GRID2: variants seen among roughly 807,000 people sequenced by gnomAD.
The protein encoded by GRID2 is glutamate ionotropic receptor delta type subunit 2.
A neutral mutation model predicts 114.8 loss-of-function variants in GRID2; 33 were observed. The ratio of observed to expected loss-of-function variants is 0.29; its 90% CI spans 0.22 to 0.38. The LOEUF is 0.38. GRID2 is among the 10% of genes least tolerant of loss of function. The pLI is 1.00. For missense variants in GRID2, 1,184 were observed against 1,257.7 expected, an observed-to-expected ratio of 0.94 and a Z score of 0.89; for synonymous variants, 505 against 449.9, an observed-to-expected ratio of 1.12 and a Z score of -1.55.
chr4:92,794,197 C>G (rs1433498346), intron 2 of GRID2, among the ~76,000 whole-genome samples: 1 of 151,692 alleles, frequency 6.6e-6, no homozygotes, highest in Admixed American at 6.6e-5. Flanking sequence ...CTCACTGTAG[C>G]CTCCAACTCC....
intron 2 of GRID2, among the ~76,000 whole-genome samples, chr4:92,763,757 T>C (rs1180056853): frequency 6.6e-6 from 1 of 152,116 alleles, no homozygotes; most frequent in African/African-American, 2.4e-5. Context: ...GTTAATAGTA[T>C]TTCAAGAGAA....
At chr4:93,751,501 G>T (rs940344074) in intron 14 of GRID2, among the ~76,000 whole-genome samples, 1 of 152,058 alleles carries the variant, frequency 6.6e-6, no homozygotes, top group Non-Finnish European at 1.5e-5. Context: ...CTGGTTCTTG[G>T]GGGGAAATGC....
intron 2 of GRID2, among the ~76,000 whole-genome samples, chr4:92,715,740 C>G (rs1735513764): frequency 6.6e-6 from 1 of 152,092 alleles, no homozygotes; most frequent in Non-Finnish European, 1.5e-5. Flanking sequence ...AAAAAACTGG[C>G]CCAGTGATTC....
chr4:93,253,488 G>A (rs1749215263), intron 8 of GRID2, among the ~76,000 whole-genome samples: 1 of 152,016 alleles, frequency 6.6e-6, no homozygotes, highest in Admixed American at 6.6e-5. Context: ...GTAAAATAAT[G>A]TACAGTTAAA....
chr4:92,325,962 A>G (rs1427981320), intron 1 of GRID2, among the ~76,000 whole-genome samples: 1 of 151,780 alleles, frequency 6.6e-6, no homozygotes, highest in African/African-American at 2.4e-5. Context: ...CTTCTAATAT[A>G]TACTGTACTG....
chr4:92,861,852 A>C (rs1356484337), intron 2 of GRID2, among the ~76,000 whole-genome samples: 1 of 151,944 alleles, frequency 6.6e-6, no homozygotes, highest in African/African-American at 2.4e-5. Context: ...GCAAATGTCC[A>C]CCCTGGCTAC....
At chr4:92,795,226 C>G (rs1739805654) in intron 2 of GRID2, among the ~76,000 whole-genome samples, 1 of 151,684 alleles carries the variant, frequency 6.6e-6, no homozygotes, top group Non-Finnish European at 1.5e-5. Flanking sequence ...CCCAGAATTC[C>G]CATGTGCTGT....
At chr4:93,277,330 T>C (rs979432743) in intron 8 of GRID2, among the ~76,000 whole-genome samples, 1 of 151,946 alleles carries the variant, frequency 6.6e-6, no homozygotes, top group African/African-American at 2.4e-5. Flanking sequence ...AGCATATTTG[T>C]AAATAAAGGT....
chr4:93,024,578 C>T (rs935344679), intron 2 of GRID2, among the ~76,000 whole-genome samples: 3 of 151,594 alleles, frequency 2.0e-5, no homozygotes, highest in Admixed American at 6.6e-5. Flanking sequence ...TGCAAAACCT[C>T]ATGTATTTTA....
At chr4:93,680,498 T>G (rs1725407015) in intron 14 of GRID2, among the ~76,000 whole-genome samples, 1 of 151,326 alleles carries the variant, frequency 6.6e-6, no homozygotes, top group Admixed American at 6.6e-5. Flanking sequence ...TAGACCAATA[T>G]CCTTGATGAA....
rs114465991 is a variant in GRID2, at chr4:92,741,710, T to C, written c.244+151424T>C. Among the ~76,000 whole-genome samples the C allele has an allele frequency of 7.6e-3, 1,161 of 152,310 alleles. 12 individuals are homozygous for C. The highest frequency in any genetic ancestry group is 0.024 in the African/African-American group (1,014 of 41,568). On this transcript the variant is annotated intron_variant, in intron 2 of 15. Transcript: ENST00000282020. Reference sequence around the variant, plus strand: ...CAACTCTTGTCTGTCCGTTCAAATGTTTTCAAACAAAAACTTTTGAAATCT... The same window carrying C: ...CAACTCTTGTCTGTCCGTTCAAATGCTTTCAAACAAAAACTTTTGAAATCT...
At chr4:93,552,135 T>G (rs1232350613) in intron 13 of GRID2, among the ~76,000 whole-genome samples, 1 of 150,630 alleles carries the variant, frequency 6.6e-6, no homozygotes, top group Non-Finnish European at 1.5e-5. Flanking sequence ...CGGTGTTTGG[T>G]TTTTTGTCCT....
intron 1 of GRID2, among the ~76,000 whole-genome samples, chr4:92,309,674 G>T (rs1430951370): frequency 6.6e-6 from 1 of 151,778 alleles, no homozygotes; most frequent in Non-Finnish European, 1.5e-5. Flanking sequence ...TCTTATTCTT[G>T]TAAGAATTTA....
chr4:93,369,217 T>G (rs1762639408), intron 8 of GRID2, among the ~76,000 whole-genome samples: 1 of 152,142 alleles, frequency 6.6e-6, no homozygotes, highest in Non-Finnish European at 1.5e-5. Flanking sequence ...TGTGGCAACA[T>G]CACTCCAATC....
At chr4:92,315,222 T>A (rs1438284427) in intron 1 of GRID2, among the ~76,000 whole-genome samples, 1 of 152,194 alleles carries the variant, frequency 6.6e-6, no homozygotes, top group Non-Finnish European at 1.5e-5. Context: ...TTGTTGTAAG[T>A]GTTATGTCCT....
intron 14 of GRID2, among the ~76,000 whole-genome samples, chr4:93,660,769 G>A (rs1171887420): frequency 6.6e-6 from 1 of 152,068 alleles, no homozygotes. Flanking sequence ...ATTATGCATA[G>A]CACAGGCAGC....
intron 4 of GRID2, among the ~76,000 whole-genome samples, chr4:93,137,686 C>T (rs1320661341): frequency 1.4e-4 from 22 of 151,992 alleles, no homozygotes; most frequent in Admixed American, 1.4e-3. Flanking sequence ...GTATATTGTA[C>T]GTGAAACAAA....
intron 2 of GRID2, among the ~76,000 whole-genome samples, chr4:92,689,755 G>A (rs1252867850): frequency 6.6e-6 from 1 of 152,176 alleles, no homozygotes; most frequent in African/African-American, 2.4e-5. Flanking sequence ...CAGATAACTT[G>A]CTGCAGCTTC....
chr4:92,488,514 A>G (rs926204257), intron 1 of GRID2, among the ~76,000 whole-genome samples: 2 of 152,142 alleles, frequency 1.3e-5, no homozygotes, highest in African/African-American at 4.8e-5. Flanking sequence ...CTACTTTTCT[A>G]GACTCTCATA....
Sources: gnomAD v4.1 joint callset for allele counts (sites outside exome capture counted in the v4.1 genomes callset) on GRCh38, gnomAD v4.1.1 for gene constraint, MANE v1.5 for transcripts, NCBI Gene and HGNC (gene_info 2026-07-23, HGNC 2026-07-21) for gene names.